The following TENM2 variants were observed in gnomAD, a reference collection of about 807,000 sequenced individuals.
The protein encoded by TENM2 is teneurin-2.
Under a neutral mutation model 245.2 loss-of-function variants are expected in TENM2, and 52 were observed. The ratio of observed to expected loss-of-function variants is 0.21; its 90% CI spans 0.17 to 0.27. The LOEUF is 0.27. TENM2 is among the 10% of genes least tolerant of loss of function. TENM2 has a pLI of 1.00. For synonymous variants in TENM2, 1,363 were observed against 1,438.9 expected (o/e 0.95, Z 1.19); for missense variants, 3,046 against 3,666.8 (o/e 0.83, Z 4.37).
intron 2 of TENM2, among the ~76,000 whole-genome samples, chr5:167,465,015 C>T (rs977428323): frequency 2.0e-5 from 3 of 152,178 alleles, no homozygotes; most frequent in South Asian, 2.1e-4. Context: ...ATGTGTTTAC[C>T]GTGGGAAAGT....
intron 13 of TENM2, among the ~76,000 whole-genome samples, chr5:168,166,962 C>T (rs1758358195): frequency 2.0e-5 from 3 of 152,000 alleles, no homozygotes; most frequent in Admixed American, 1.3e-4. Flanking sequence ...CATGTAACCT[C>T]AGGAAGCAAT....
At chr5:167,520,186 A>C (rs1350713860) in intron 2 of TENM2, among the ~76,000 whole-genome samples, 1 of 152,178 alleles carries the variant, frequency 6.6e-6, no homozygotes, top group Non-Finnish European at 1.5e-5. Flanking sequence ...TGAGTTTTAA[A>C]GTATTTTGAT....
chr5:167,104,285 A>G, the TENM2 span, among the ~76,000 whole-genome samples: 1 of 152,172 alleles, frequency 6.6e-6, no homozygotes, highest in Non-Finnish European at 1.5e-5. Flanking sequence ...TTTGGCAATA[A>G]GAGATTTTGG....
chr5:168,074,984 C>T (rs1488272139), intron 7 of TENM2, among the ~76,000 whole-genome samples: 1 of 152,130 alleles, frequency 6.6e-6, no homozygotes, highest in Non-Finnish European at 1.5e-5. Context: ...GTGTTTGGTT[C>T]CGTGAATAAG....
At chr5:167,169,373 C>T in the TENM2 span, among the ~76,000 whole-genome samples, 1 of 152,172 alleles carries the variant, frequency 6.6e-6, no homozygotes, top group Admixed American at 6.5e-5. Flanking sequence ...GGTCAGTATA[C>T]ATTAAATATG....
Position 167,433,071 on chromosome 5 carries a change from G to A in TENM2, c.502+57598G>A, listed in dbSNP as rs1011939001. Among the ~76,000 whole-genome samples, 5 of 151,312 alleles carry A rather than the reference G, an allele frequency of 3.3e-5. No homozygotes were observed. The East Asian group carries it at 9.7e-4, about 29-fold the overall frequency. ...TGCCAAAAGACAACAATTTATTGTT[G>A]TTTCACTTCCCAAAGTATTAATTGG... On this transcript the variant is annotated intron_variant, in intron 2 of 28. Coordinates refer to ENST00000518659, the Ensembl canonical transcript of TENM2.
chr5:167,095,450 T>C, the TENM2 span, among the ~76,000 whole-genome samples: 2 of 151,954 alleles, frequency 1.3e-5, no homozygotes, highest in Non-Finnish European at 2.9e-5. Context: ...ACAACGGAAA[T>C]GTAGGAGGCG....
intron 19 of TENM2, among the ~76,000 whole-genome samples, chr5:168,207,041 T>A (rs1581633503): frequency 6.6e-6 from 1 of 152,158 alleles, no homozygotes; most frequent in South Asian, 2.1e-4. Context: ...CTCTTCCACG[T>A]AGCCTGATCT....
intron 2 of TENM2, among the ~76,000 whole-genome samples, chr5:167,503,873 G>A (rs140039138): frequency 1.1e-4 from 16 of 152,222 alleles, no homozygotes; most frequent in South Asian, 2.1e-4. Context: ...CAGCCTGGGC[G>A]ACAGAGTCTC....
chr5:167,955,163 C>G (rs1197116802), intron 4 of TENM2, among the ~76,000 whole-genome samples: 1 of 152,170 alleles, frequency 6.6e-6, no homozygotes, highest in African/African-American at 2.4e-5. Flanking sequence ...GCCATTGTAA[C>G]TGGCATGAGA....
At chr5:168,215,169 T>C in exon 21 of TENM2, 2 of 1,613,774 alleles carry the variant, frequency 1.2e-6, no homozygotes, top group Admixed American at 3.3e-5. Flanking sequence ...TGGCTGGGAA[T>C]TCGGAAGTTG....
chr5:167,194,968 T>G, the TENM2 span, among the ~76,000 whole-genome samples: 2 of 151,998 alleles, frequency 1.3e-5, no homozygotes, highest in African/African-American at 4.8e-5. Flanking sequence ...CTACGCTATA[T>G]CCCCATCACT....
chr5:168,042,108 G>A (rs1409525849), intron 5 of TENM2, among the ~76,000 whole-genome samples: 1 of 152,048 alleles, frequency 6.6e-6, no homozygotes, highest in African/African-American at 2.4e-5. Context: ...AACCCTTTCT[G>A]TCATCCTACC....
intron 2 of TENM2, among the ~76,000 whole-genome samples, chr5:167,575,338 A>G (rs990580784): frequency 4.6e-5 from 7 of 152,188 alleles, no homozygotes; most frequent in African/African-American, 7.2e-5. Flanking sequence ...TGACTTCAGT[A>G]CCTGTACTAG....
chr5:168,082,394 A>G (rs1022847175), intron 7 of TENM2, among the ~76,000 whole-genome samples: 6 of 152,066 alleles, frequency 3.9e-5, no homozygotes, highest in African/African-American at 1.4e-4. Flanking sequence ...TTTAGGTCTG[A>G]GAAGTTTGTT....
chr5:167,989,293 AG>A (rs1297970727), intron 4 of TENM2, among the ~76,000 whole-genome samples: 5 of 151,426 alleles, frequency 3.3e-5, no homozygotes, highest in African/African-American at 1.2e-4. Flanking sequence ...AGAGAGAGAG[AG>A]AGAGAGATAG....
At chr5:167,601,286 C>T (rs1437612017) in intron 2 of TENM2, among the ~76,000 whole-genome samples, 1 of 152,240 alleles carries the variant, frequency 6.6e-6, no homozygotes, top group Non-Finnish European at 1.5e-5. Flanking sequence ...AGACAGTAGG[C>T]ACTAGCCACA....
intron 2 of TENM2, among the ~76,000 whole-genome samples, chr5:167,837,908 A>G (rs1308385648): frequency 1.3e-5 from 2 of 152,094 alleles, no homozygotes; most frequent in Non-Finnish European, 2.9e-5. Flanking sequence ...AAACTGTCCC[A>G]GGGACCTTGA....
At chr5:167,759,141 A>C (rs565812220) in intron 2 of TENM2, among the ~76,000 whole-genome samples, 2 of 147,644 alleles carry the variant, frequency 1.4e-5, no homozygotes, top group Non-Finnish European at 3.0e-5. Flanking sequence ...TTCAAATCCC[A>C]GTTCTGACAC....
Sources: allele counts gnomAD v4.1 joint callset (sites outside exome capture counted in the v4.1 genomes callset), GRCh38; gene constraint gnomAD v4.1.1; transcripts MANE v1.5; gene names NCBI Gene and HGNC (gene_info 2026-07-23, HGNC 2026-07-21).